CDH13: variants seen among roughly 807,000 people sequenced by gnomAD.
The protein encoded by CDH13 is cadherin 13.
A neutral mutation model predicts 63.8 loss-of-function variants in CDH13; 24 were observed. The ratio of observed to expected loss-of-function variants is 0.38; its 90% CI spans 0.27 to 0.53. The LOEUF is 0.53. Among genes scored for constraint, CDH13 ranks in the 20% least tolerant of loss-of-function variants. CDH13 has a pLI of 0.85. For synonymous variants in CDH13, 503 were observed against 355.3 expected (o/e 1.42, Z -4.67); for missense variants, 1,049 against 903.1 (o/e 1.16, Z -2.07).
At chr16:83,401,426 C>T (rs919975419) in intron 6 of CDH13, among the ~76,000 whole-genome samples, 2 of 151,864 alleles carry the variant, frequency 1.3e-5, no homozygotes, top group Admixed American at 6.6e-5. Context: ...GTGGGAGAAT[C>T]GTTTGAACCT....
intron 3 of CDH13, among the ~76,000 whole-genome samples, chr16:83,099,399 T>C (rs1470871846): frequency 1.3e-5 from 2 of 151,850 alleles, no homozygotes; most frequent in African/African-American, 4.8e-5. Context: ...TCTCAGCTCA[T>C]TGCAGCCTCC....
At chr16:83,517,897 A>C (rs1346610651) in intron 7 of CDH13, among the ~76,000 whole-genome samples, 3 of 152,034 alleles carry the variant, frequency 2.0e-5, no homozygotes, top group Non-Finnish European at 2.9e-5. Flanking sequence ...TTTCACAGCA[A>C]CTCTGAGGTC....
At chr16:83,091,809 T>C (rs1272590477) in intron 3 of CDH13, among the ~76,000 whole-genome samples, 2 of 152,236 alleles carry the variant, frequency 1.3e-5, no homozygotes, top group East Asian at 1.9e-4. Flanking sequence ...GGGTGTATAA[T>C]AACTGTTTGT....
intron 1 of CDH13, among the ~76,000 whole-genome samples, chr16:82,689,671 C>A (rs1017028973): frequency 6.6e-6 from 1 of 151,978 alleles, no homozygotes; most frequent in Non-Finnish European, 1.5e-5. Flanking sequence ...TGTGCATAGC[C>A]CCCTCCCGTT....
intron 7 of CDH13, among the ~76,000 whole-genome samples, chr16:83,587,459 T>C (rs901096300): frequency 3.3e-5 from 5 of 152,152 alleles, no homozygotes; most frequent in African/African-American, 4.8e-5. Context: ...GTAATTGAAT[T>C]TTCTGGACGT....
chr16:83,394,656 T>A (rs1193583298), intron 6 of CDH13, among the ~76,000 whole-genome samples: 1 of 152,124 alleles, frequency 6.6e-6, no homozygotes, highest in African/African-American at 2.4e-5. Context: ...TTATAGGACC[T>A]CCCTTGCTAG....
At chr16:83,465,526 C>T (rs1042357260) in intron 6 of CDH13, among the ~76,000 whole-genome samples, 7 of 152,148 alleles carry the variant, frequency 4.6e-5, no homozygotes, top group African/African-American at 1.7e-4. Flanking sequence ...GAAATTTTCA[C>T]AAGGGCTAAA....
intron 4 of CDH13, among the ~76,000 whole-genome samples, chr16:83,193,863 T>G (rs1239494127): frequency 2.0e-5 from 3 of 152,204 alleles, no homozygotes; most frequent in Non-Finnish European, 4.4e-5. Flanking sequence ...CGATGCCTAT[T>G]TAGATTATGA....
intron 5 of CDH13, among the ~76,000 whole-genome samples, chr16:83,242,927 T>C (rs1448857210): frequency 6.6e-6 from 1 of 152,218 alleles, no homozygotes; most frequent in African/African-American, 2.4e-5. Flanking sequence ...TTTGAGCATA[T>C]ACCATGTGTC....
chr16:83,776,738 C>T (rs914463932), intron 11 of CDH13, among the ~76,000 whole-genome samples: 16 of 152,186 alleles, frequency 1.1e-4, no homozygotes, highest in African/African-American at 3.9e-4. Flanking sequence ...TCGTAGGGGT[C>T]ATGACACATT....
intron 11 of CDH13, among the ~76,000 whole-genome samples, chr16:83,768,803 C>T (rs377479421): frequency 6.6e-6 from 1 of 152,040 alleles, no homozygotes. Context: ...AGGTCACTCT[C>T]ATCGCCATCT....
intron 10 of CDH13, among the ~76,000 whole-genome samples, chr16:83,736,328 C>G (rs1429613816): frequency 6.6e-6 from 1 of 152,128 alleles, no homozygotes; most frequent in African/African-American, 2.4e-5. Flanking sequence ...AAGTCTCAGC[C>G]TGTTAATATG....
intron 3 of CDH13, among the ~76,000 whole-genome samples, chr16:83,035,221 G>T (rs1597190969): frequency 6.6e-6 from 1 of 152,264 alleles, no homozygotes; most frequent in East Asian, 1.9e-4. Context: ...AGCCAAGTGG[G>T]CCAGCTGCTA....
chr16:83,281,145 C>T (rs1023291307), intron 5 of CDH13, among the ~76,000 whole-genome samples: 7 of 152,346 alleles, frequency 4.6e-5, no homozygotes, highest in African/African-American at 1.7e-4. Context: ...GTCTCATCTA[C>T]ACTGAAAATG....
chr16:83,749,758 G>A (rs1033397632), intron 11 of CDH13, among the ~76,000 whole-genome samples: 2 of 152,182 alleles, frequency 1.3e-5, no homozygotes, highest in Non-Finnish European at 2.9e-5. Flanking sequence ...TGGAAGGTTA[G>A]TCAAGTACAC....
At chr16:83,716,459 A>C (rs2150930054) in intron 10 of CDH13, among the ~76,000 whole-genome samples, 1 of 152,158 alleles carries the variant, frequency 6.6e-6, no homozygotes, top group Middle Eastern at 3.4e-3. Context: ...CCAGTCATTA[A>C]TCCCCACTCT....
intron 7 of CDH13, among the ~76,000 whole-genome samples, chr16:83,545,102 T>TA (rs759857540): frequency 6.6e-6 from 1 of 152,220 alleles, no homozygotes; most frequent in Non-Finnish European, 1.5e-5. Flanking sequence ...AGCCCATTGT[T>TA]AGAGCTCATG....
At chr16:82,839,108 C>T (rs1272297318) in intron 1 of CDH13, among the ~76,000 whole-genome samples, 1 of 152,140 alleles carries the variant, frequency 6.6e-6, no homozygotes, top group African/African-American at 2.4e-5. Flanking sequence ...TTTGGTTTGC[C>T]AATCAATGGT....
chr16:83,060,801 C>T (rs1402356172), intron 3 of CDH13, among the ~76,000 whole-genome samples: 5 of 152,204 alleles, frequency 3.3e-5, no homozygotes, highest in Admixed American at 3.3e-4. Context: ...TCACAGTCTG[C>T]TGTGAACCCT....
Sources: allele counts gnomAD v4.1 joint callset (sites outside exome capture counted in the v4.1 genomes callset), GRCh38; gene constraint gnomAD v4.1.1; transcripts MANE v1.5; gene names NCBI Gene and HGNC (gene_info 2026-07-23, HGNC 2026-07-21).